The following C7 variants were observed in gnomAD, a reference collection of about 807,000 sequenced individuals.
C7 encodes complement component C7.
Under a neutral mutation model 104.8 loss-of-function variants are expected in C7, and 83 were observed. The observed-to-expected ratio is 0.79, with a 90% CI of 0.66 to 0.95. The LOEUF (loss-of-function observed/expected upper bound fraction) is 0.95, where lower values mean the gene tolerates loss of function less well. Ranked by LOEUF, C7 falls within the 40% of genes least tolerant of loss-of-function variation. The pLI is 0.00. For synonymous variants in C7, 415 were observed against 360.6 expected (o/e 1.15, Z -1.71); for missense variants, 1,070 against 1,011.2 (o/e 1.06, Z -0.79).
At position 40,934,339 on chromosome 5, in the gene C7, A is replaced by G. The variant is rs1338186442; in HGVS notation, c.153A>G (p.Ser51=). 1.2e-6 allele frequency: 2 copies of G among 1,601,768 alleles called. No homozygotes were observed. The highest frequency in any genetic ancestry group is 1.7e-6 in the Non-Finnish European group (2 of 1,173,762). Residue 51 remains serine (S), a synonymous_variant, in exon 4 of 18, where the codon TCA becomes TCG. Coordinates refer to ENST00000313164, the MANE Select transcript of C7 (RefSeq NM_000587.4). ...GCTKTQTRRR[S]VAVYGQYGGQ... ...TTTGTGTTTAGACTCGCAGGCGGTC[A>G]GTTGCTGTGTATGGGCAGTATGGAG...
chr5:40,974,836 T>A (rs1195921186), intron 15 of C7, among the ~76,000 whole-genome samples: 1 of 152,198 alleles, frequency 6.6e-6, no homozygotes, highest in Non-Finnish European at 1.5e-5. Context: ...ACCTTAAGTT[T>A]TGGTACATCT....
chr5:40,966,021 G>T (rs943356402), intron 14 of C7, among the ~76,000 whole-genome samples: 1 of 151,970 alleles, frequency 6.6e-6, no homozygotes, highest in Non-Finnish European at 1.5e-5. Context: ...ATATTCTTTG[G>T]AGAAATGGCT....
intron 1 of C7, among the ~76,000 whole-genome samples, chr5:40,913,427 A>AC (rs1739253565): frequency 6.6e-6 from 1 of 152,110 alleles, no homozygotes; most frequent in Non-Finnish European, 1.5e-5. Flanking sequence ...CCAATAGTAT[A>AC]TATTGGTGGG....
chr5:40,949,289 T>C (rs1740114605), intron 8 of C7, among the ~76,000 whole-genome samples: 1 of 151,448 alleles, frequency 6.6e-6, no homozygotes, highest in Non-Finnish European at 1.5e-5. Context: ...TATTGTAATA[T>C]AGTTAGTAAA....
chr5:40,979,702 A>G, intron 16 of C7, 23 bp from the exon 17 acceptor site: 2 of 1,594,056 alleles, frequency 1.3e-6, no homozygotes, highest in Non-Finnish European at 1.7e-6. Flanking sequence ...CTTGTAAATA[A>G]TGTCATTAAA....
intron 6 of C7, among the ~76,000 whole-genome samples, chr5:40,941,870 T>C (rs1031074582): frequency 2.0e-5 from 3 of 152,172 alleles, no homozygotes; most frequent in East Asian, 1.9e-4. Flanking sequence ...TTGGTGATTA[T>C]TGGTATAAGA....
intron 4 of C7, among the ~76,000 whole-genome samples, chr5:40,935,411 A>G (rs1434647391): frequency 6.6e-6 from 1 of 152,220 alleles, no homozygotes; most frequent in Non-Finnish European, 1.5e-5. Context: ...GAGTGGCAGT[A>G]TAGCAGGGTA....
intron 12 of C7, among the ~76,000 whole-genome samples, chr5:40,960,464 G>A (rs551265015): frequency 7.9e-5 from 12 of 152,142 alleles, no homozygotes; most frequent in Admixed American, 4.6e-4. Flanking sequence ...TCTCTTGACT[G>A]AGGAAGCTGG....
intron 16 of C7, among the ~76,000 whole-genome samples, chr5:40,977,917 C>T (rs2329433): frequency 0.28 from 41,906 of 151,804 alleles, 6,205 homozygotes; most frequent in East Asian, 0.43. Flanking sequence ...GCCAATTGCT[C>T]GAGCTCAGGA....
At chr5:40,970,551 G>A (rs1740676418) in intron 14 of C7, among the ~76,000 whole-genome samples, 1 of 152,138 alleles carries the variant, frequency 6.6e-6, no homozygotes. Flanking sequence ...ACCTACTCAG[G>A]AGGTTGAGTC....
chr5:40,944,701 A>G (rs574352493), intron 6 of C7, among the ~76,000 whole-genome samples: 1 of 152,348 alleles, frequency 6.6e-6, no homozygotes, highest in African/African-American at 2.4e-5. Context: ...AAAGAAAAAA[A>G]TGCAATTTTA....
chr5:40,972,830 T>A (rs888898545), intron 15 of C7, among the ~76,000 whole-genome samples: 1 of 152,230 alleles, frequency 6.6e-6, no homozygotes, highest in Non-Finnish European at 1.5e-5. Flanking sequence ...TTAACTTAAA[T>A]CATCCTTGTG....
In C7 at chr5:40,958,028, T is replaced by C. The variant is rs749503919; in HGVS notation, c.1261-5T>C. On this transcript the variant is annotated splice_polypyrimidine_tract_variant and splice_region_variant and intron_variant, in intron 10 of 17. Transcript: ENST00000313164. Reference sequence around the variant, plus strand: ...TTACTGACTATAATGTCTTTATCTCTATAGCTGACACCTTTATATGAGCTG... The same window carrying C: ...TTACTGACTATAATGTCTTTATCTCCATAGCTGACACCTTTATATGAGCTG... 147 of 1,604,996 alleles carry C rather than the reference T, an allele frequency of 9.2e-5. No individual in the cohort carries two copies. Among genetic ancestry groups the C allele is most frequent in the Middle Eastern group, 5.0e-4 (3 of 6,054 alleles).
chr5:40,942,049 A>G (rs1317265776), intron 6 of C7, among the ~76,000 whole-genome samples: 4 of 152,242 alleles, frequency 2.6e-5, no homozygotes, highest in African/African-American at 9.6e-5. Flanking sequence ...AGTGGTCAAC[A>G]GTGCCGAATG....
intron 6 of C7, among the ~76,000 whole-genome samples, chr5:40,941,798 G>C (rs567259524): frequency 6.6e-6 from 1 of 152,312 alleles, no homozygotes; most frequent in African/African-American, 2.4e-5. Flanking sequence ...GACAAATCCA[G>C]TTTAGGTATC....
At chr5:40,932,301 G>A (rs911461625) in intron 3 of C7, among the ~76,000 whole-genome samples, 10 of 151,896 alleles carry the variant, frequency 6.6e-5, no homozygotes, top group Middle Eastern at 3.4e-3. Context: ...TGATATTTAA[G>A]TTGTTTCCAT....
At position 40,974,930 on chromosome 5, in the gene C7, G is replaced by A. The variant is rs111779107; in HGVS notation, c.2075-1820G>A. Among the ~76,000 whole-genome samples, 227 of 152,236 alleles carry A rather than the reference G, an allele frequency of 1.5e-3. 1 individual carries two copies. Among genetic ancestry groups the A allele is most frequent in the African/African-American group, 5.2e-3 (217 of 41,540 alleles). ...ATGGGAGCCTCTTCTGTGCATTGCA[G>A]GGTGCTTAGCAGCATCCCTGGTCTC... On this transcript the variant is annotated intron_variant, in intron 15 of 17. Coordinates refer to ENST00000313164, the MANE Select transcript of C7 (RefSeq NM_000587.4).
intron 14 of C7, among the ~76,000 whole-genome samples, chr5:40,969,227 C>A (rs1250693033): frequency 6.6e-6 from 1 of 151,052 alleles, no homozygotes; most frequent in Non-Finnish European, 1.5e-5. Context: ...ATAAGCAAAT[C>A]AGAGTAAATA....
intron 14 of C7, chr5:40,971,947 A>T (rs894107385): frequency 4.6e-5 from 19 of 414,796 alleles, no homozygotes; most frequent in African/African-American, 3.3e-4. Context: ...AACAAGACAG[A>T]CCCTGTCCCT....
Sources: allele counts gnomAD v4.1 joint callset (sites outside exome capture counted in the v4.1 genomes callset), GRCh38; gene constraint gnomAD v4.1.1; transcripts MANE v1.5; gene names NCBI Gene and HGNC (gene_info 2026-07-23, HGNC 2026-07-21).